The following SH3PXD2A variants were observed in gnomAD, a reference collection of about 807,000 sequenced individuals.
SH3PXD2A encodes the protein SH3 and PX domain-containing protein 2A.
A neutral mutation model predicts 115.2 loss-of-function variants in SH3PXD2A; 32 were observed. The observed-to-expected ratio is 0.28, with a 90% CI of 0.21 to 0.37. The LOEUF (loss-of-function observed/expected upper bound fraction) is 0.37. Among genes scored for constraint, SH3PXD2A ranks in the 10% least tolerant of loss-of-function variants. SH3PXD2A has a pLI of 1.00. For synonymous variants in SH3PXD2A, 610 were observed against 629.1 expected, an observed-to-expected ratio of 0.97 and a Z score of 0.45; for missense variants, 1,328 against 1,498.7, an observed-to-expected ratio of 0.89 and a Z score of 1.88.
intron 13 of SH3PXD2A, among the ~76,000 whole-genome samples, chr10:103,607,223 C>G (rs1181224371): frequency 3.3e-5 from 5 of 151,412 alleles, no homozygotes; most frequent in Non-Finnish European, 7.4e-5. Context: ...TCTGCCCAGC[C>G]GCCCCGTCTG....
intron 3 of SH3PXD2A, among the ~76,000 whole-genome samples, chr10:103,739,093 GC>G (rs2134189521): frequency 6.6e-6 from 1 of 152,296 alleles, no homozygotes; most frequent in South Asian, 2.1e-4. Flanking sequence ...TAGTTAAGGA[GC>G]ACTGAGGCCT....
In SH3PXD2A at chr10:103,769,449, CT is replaced by C. The variant is rs33915699; in HGVS notation, c.154-2281del. Among the ~76,000 whole-genome samples the C allele has an allele frequency of 4.2e-3, 572 of 137,422 alleles. 4 individuals are homozygous for C. The highest frequency in any genetic ancestry group is 0.011 in the Middle Eastern group (3 of 270). The allele number at this position is 137,422 out of a possible 152,430, so 90.2% of individuals were successfully genotyped here. ...TTTCTTTTTCTTTCTTCTTCTTCTT[CT>C]TTTTTTTTTTTTTTTTGAGACAGAG... is the stretch of plus-strand genomic sequence containing the variant. On this transcript the variant is annotated intron_variant, in intron 2 of 14. Coordinates refer to ENST00000369774, the MANE Select transcript of SH3PXD2A (RefSeq NM_001394015.1).
intron 5 of SH3PXD2A, among the ~76,000 whole-genome samples, chr10:103,714,895 C>A (rs2038087970): frequency 6.6e-6 from 1 of 152,202 alleles, no homozygotes; most frequent in Non-Finnish European, 1.5e-5. Context: ...TGTGGGTGGA[C>A]TTTCTACCCC....
intron 8 of SH3PXD2A, among the ~76,000 whole-genome samples, chr10:103,640,144 G>GTACTAAAAATACAAAAT (rs2036932497): frequency 2.0e-5 from 3 of 152,060 alleles, no homozygotes; most frequent in African/African-American, 7.2e-5. Context: ...GCGAAACCCC[G>GTACTAAAAATACAAAAT]TTTGTAATAA....
rs113457112 is a variant in SH3PXD2A at position 103,601,399 on chromosome 10, A to G, written c.*417T>C. The G allele has an allele frequency of 7.1e-3, 1,163 of 163,114 alleles. 14 individuals are homozygous for G. The highest frequency in any genetic ancestry group is 0.026 in the African/African-American group (1,085 of 41,764). 10.1% of individuals were successfully genotyped at this position (163,114 alleles called of 1,614,324 possible). A position where few individuals can be genotyped will look rare whatever the true frequency, so the allele number is the denominator to read the frequency against. ...CTGGGGTGGCAAGATGCCAGCAATC[A>G]AAACTGGGCCAAGCAGGGGCAGGAC... is the stretch of plus-strand genomic sequence containing the variant. On this transcript the variant is annotated 3_prime_UTR_variant, in exon 15 of 15. Transcript: ENST00000369774.
chr10:103,810,716 C>T (rs1432089250), intron 1 of SH3PXD2A, among the ~76,000 whole-genome samples: 1 of 152,036 alleles, frequency 6.6e-6, no homozygotes, highest in Non-Finnish European at 1.5e-5. Context: ...TATTTAGACA[C>T]TCAGGAAGTG....
At chr10:103,688,904 T>C (rs141222653) in intron 6 of SH3PXD2A, among the ~76,000 whole-genome samples, 2 of 152,312 alleles carry the variant, frequency 1.3e-5, no homozygotes, top group East Asian at 1.9e-4. Flanking sequence ...TCTCTCTCTG[T>C]TGCCCAGGCT....
At chr10:103,855,169 G>A in intron 1 of SH3PXD2A, 26 bp downstream of exon 1, 1 of 1,509,468 alleles carries the variant, frequency 6.6e-7, no homozygotes. Flanking sequence ...GCCACCCCCA[G>A]CAGGGTCGGC....
Position 103,605,881 on chromosome 10 carries a change from C to T in SH3PXD2A, c.1345G>A (p.Val449Ile), listed in dbSNP as rs1445350044. 1.2e-6 allele frequency: 2 copies of T among 1,614,048 alleles called. No homozygotes were observed. The highest frequency in any genetic ancestry group is 1.7e-6 in the Non-Finnish European group (2 of 1,179,892). ...GCAATGGTGTAGTACTCCACCTCAA[C>T]AGAAGGGGGCTCTGGTGGCTTTGGC... The part of the protein sequence containing the change: ...QLPKPPEPPS[V>I]EVEYYTIAEF... Residue 449 changes from valine (V) to isoleucine (I), a missense_variant, in exon 14 of 15, where the codon GTT (valine) becomes ATT (isoleucine). By Grantham distance (29) the Val-to-Ile change is conservative. Transcript: ENST00000369774.
intron 1 of SH3PXD2A, among the ~76,000 whole-genome samples, chr10:103,854,400 G>T (rs912682358): frequency 1.7e-4 from 26 of 152,246 alleles, no homozygotes; most frequent in African/African-American, 6.3e-4. Context: ...AGACAGGACC[G>T]GCTGAGATGA....
At chr10:103,799,564 G>C (rs946184206) in intron 2 of SH3PXD2A, among the ~76,000 whole-genome samples, 2 of 152,246 alleles carry the variant, frequency 1.3e-5, no homozygotes, top group African/African-American at 2.4e-5. Flanking sequence ...GGGAGGTGGT[G>C]GTGGGGGAGC....
chr10:103,846,667 G>T (rs1842851104), intron 1 of SH3PXD2A, among the ~76,000 whole-genome samples: 1 of 152,232 alleles, frequency 6.6e-6, no homozygotes, highest in Non-Finnish European at 1.5e-5. Flanking sequence ...AAAAGAAACA[G>T]TTGCACCATT....
intron 6 of SH3PXD2A, among the ~76,000 whole-genome samples, chr10:103,689,529 G>A (rs934896084): frequency 1.3e-5 from 2 of 152,166 alleles, no homozygotes; most frequent in Admixed American, 6.5e-5. Context: ...GCCAGGTGTG[G>A]TGGCAGGTGC....
intron 1 of SH3PXD2A, among the ~76,000 whole-genome samples, chr10:103,847,461 A>G (rs372548872): frequency 1.6e-4 from 24 of 152,148 alleles, no homozygotes; most frequent in African/African-American, 5.5e-4. Context: ...CTACAGGCGC[A>G]TGCCTCCACA....
intron 1 of SH3PXD2A, among the ~76,000 whole-genome samples, chr10:103,806,976 G>A (rs1475972055): frequency 2.0e-5 from 3 of 152,184 alleles, no homozygotes; most frequent in Non-Finnish European, 4.4e-5. Context: ...CCATCCAGAG[G>A]TCATCTTGGG....
intron 4 of SH3PXD2A, among the ~76,000 whole-genome samples, chr10:103,734,232 C>T (rs2038355057): frequency 6.6e-6 from 1 of 152,174 alleles, no homozygotes; most frequent in African/African-American, 2.4e-5. Flanking sequence ...TTATTTGCCA[C>T]ATTATAACAC....
intron 3 of SH3PXD2A, among the ~76,000 whole-genome samples, chr10:103,744,686 G>A (rs1221727264): frequency 6.6e-6 from 1 of 152,194 alleles, no homozygotes; most frequent in Non-Finnish European, 1.5e-5. Flanking sequence ...CTTGGGCTGG[G>A]GGAAGGCAGG....
At chr10:103,817,919 T>G (rs184810813) in intron 1 of SH3PXD2A, among the ~76,000 whole-genome samples, 9 of 152,040 alleles carry the variant, frequency 5.9e-5, no homozygotes, top group South Asian at 4.2e-4. Flanking sequence ...GTGGGGTGGG[T>G]GGGTGGCTGT....
At chr10:103,649,419 G>T (rs1053861863) in intron 8 of SH3PXD2A, among the ~76,000 whole-genome samples, 1 of 152,172 alleles carries the variant, frequency 6.6e-6, no homozygotes, top group African/African-American at 2.4e-5. Flanking sequence ...TTCCTCCCTC[G>T]ATGGCACGCC....
Sources: gnomAD v4.1 joint callset for allele counts (sites outside exome capture counted in the v4.1 genomes callset) on GRCh38, gnomAD v4.1.1 for gene constraint, MANE v1.5 for transcripts, NCBI Gene and HGNC (gene_info 2026-07-23, HGNC 2026-07-21) for gene names.